Variants in NBEAL1 observed in about 807,000 individuals in gnomAD.
NBEAL1 encodes neurobeachin like 1.
Under a neutral mutation model 351.3 loss-of-function variants are expected in NBEAL1, and 273 were observed. The observed-to-expected ratio is 0.78, with a 90% CI of 0.70 to 0.86. The LOEUF (loss-of-function observed/expected upper bound fraction) is 0.86, where lower values mean the gene tolerates loss of function less well. Ranked by LOEUF, NBEAL1 falls within the 40% of genes least tolerant of loss-of-function variation. NBEAL1 has a pLI of 0.00. For synonymous variants in NBEAL1, 1,050 were observed against 1,086.4 expected (o/e 0.97, Z 0.66); for missense variants, 2,961 against 3,201.3 (o/e 0.92, Z 1.81).
chr2:203,119,173 T>C (rs2062767384), intron 18 of NBEAL1, among the ~76,000 whole-genome samples: 1 of 151,840 alleles, frequency 6.6e-6, no homozygotes, highest in Non-Finnish European at 1.5e-5. Context: ...GATTCTATTT[T>C]TTTTTTTTTT....
chr2:203,183,874 C>T (rs1346993209), intron 44 of NBEAL1, among the ~76,000 whole-genome samples: 2 of 150,896 alleles, frequency 1.3e-5, no homozygotes, highest in Admixed American at 6.6e-5. Flanking sequence ...GTCAGGAGTT[C>T]GGAGATCAAC....
chr2:203,116,308 A>C (rs1339601622), intron 18 of NBEAL1, among the ~76,000 whole-genome samples: 1 of 152,210 alleles, frequency 6.6e-6, no homozygotes, highest in Admixed American at 6.5e-5. Context: ...CAATAGTTAC[A>C]GTTGGAATTT....
intron 50 of NBEAL1, among the ~76,000 whole-genome samples, 190 bp from the exon 51 acceptor site, chr2:203,202,497 C>T (rs2065428360): frequency 6.6e-6 from 1 of 152,184 alleles, no homozygotes; most frequent in African/African-American, 2.4e-5. Context: ...AAAGAAAGCT[C>T]TCCGAGGTGA....
chr2:203,087,175 C>T (rs2061978530), intron 10 of NBEAL1, among the ~76,000 whole-genome samples: 1 of 149,936 alleles, frequency 6.7e-6, no homozygotes, highest in Non-Finnish European at 1.5e-5. Context: ...CTCACTGAAC[C>T]TCCGCCTCCT....
chr2:203,099,537 A>T (rs2062262369), intron 11 of NBEAL1, 92 bp from the exon 12 acceptor site: 1 of 744,926 alleles, frequency 1.3e-6, no homozygotes, highest in Admixed American at 2.9e-5. Flanking sequence ...TTAAGTAATT[A>T]TTTTTTCAGG....
At chr2:203,194,730 C>T (rs186572809) in intron 47 of NBEAL1, among the ~76,000 whole-genome samples, 2 of 152,244 alleles carry the variant, frequency 1.3e-5, no homozygotes, top group Admixed American at 6.5e-5. Context: ...GCTCACCCAC[C>T]GCCTACAAAA....
At chr2:203,210,064 T>A (rs2065736887) in intron 53 of NBEAL1, among the ~76,000 whole-genome samples, 1 of 152,028 alleles carries the variant, frequency 6.6e-6, no homozygotes. Flanking sequence ...GCTTTTTCAA[T>A]ATTAAGAGTT....
At chr2:203,096,602 A>G (rs1390704305) in intron 10 of NBEAL1, among the ~76,000 whole-genome samples, 1 of 152,228 alleles carries the variant, frequency 6.6e-6, no homozygotes, top group African/African-American at 2.4e-5. Context: ...GGTAATGCCC[A>G]TGTATGCTAG....
intron 5 of NBEAL1, 35 bp from the exon 6 acceptor site, chr2:203,057,291 G>A (rs1357115182): frequency 3.3e-6 from 5 of 1,519,932 alleles, no homozygotes; most frequent in Non-Finnish European, 3.6e-6. Flanking sequence ...GATAAGTAAG[G>A]CATGTCTTTA....
In NBEAL1 at chr2:203,213,617, C is replaced by A; in HGVS notation, c.8034C>A (p.Gly2678=). 1 of 1,614,002 alleles carries A rather than the reference C, an allele frequency of 6.2e-7. No homozygotes were observed. Among genetic ancestry groups the A allele is most frequent in the Non-Finnish European group, 8.5e-7 (1 of 1,179,970 alleles). The change falls in exon 55 of 56, where the codon GGC becomes GGA. Residue 2678 remains glycine, a synonymous_variant. Transcript: ENST00000683969. The part of the protein sequence containing the change: ...YSHILVGLED[G]KLIVVGVGKP... Reference sequence around the variant, plus strand: ...ATATTCTTGTAGGTTTAGAAGATGGCAAATTGATTGTAGTGGGTGTTGGCA... The same window carrying A: ...ATATTCTTGTAGGTTTAGAAGATGGAAAATTGATTGTAGTGGGTGTTGGCA...
chr2:203,135,882 C>T lies in NBEAL1; in HGVS notation c.4019C>T (p.Thr1340Ile). 3.1e-6 allele frequency: 5 copies of T among 1,614,056 alleles called. No individual in the cohort carries two copies. Among genetic ancestry groups the T allele is most frequent in the Non-Finnish European group, 3.4e-6 (4 of 1,179,978 alleles). The change falls in exon 28 of 56, where the codon ACA becomes ATA. Residue 1340 changes from threonine to isoleucine, a missense_variant. Thr to Ile is a moderately conservative substitution (Grantham distance 89). Transcript: ENST00000683969. ...EDTKKNSDEK[T>I]DEEKITSFAS... Reference sequence around the variant, plus strand: ...ACCAAGAAGAACTCTGATGAAAAAACAGATGAGGAAAAAATCACCTCTTTT... The same window carrying T: ...ACCAAGAAGAACTCTGATGAAAAAATAGATGAGGAAAAAATCACCTCTTTT...
rs1026078558 is a variant in NBEAL1, at chr2:203,208,003, C to T, written c.7507-634C>T. 2.6e-5 allele frequency among the ~76,000 whole-genome samples: 4 copies of T among 152,132 alleles called. No homozygotes were observed. In the East Asian group the frequency reaches 5.8e-4, roughly 22 times the overall value. ...CCAATAAATGGAAAAATTATTCAGC[C>T]GGACATGGTGGCCAATACCTATAAT... On this transcript the variant is annotated intron_variant, in intron 51 of 55. Coordinates refer to ENST00000683969, the MANE Select transcript of NBEAL1 (RefSeq NM_001378026.1).
chr2:203,052,875 C>T (rs140773623), intron 4 of NBEAL1, among the ~76,000 whole-genome samples: 5 of 152,058 alleles, frequency 3.3e-5, no homozygotes, highest in Middle Eastern at 3.4e-3. Flanking sequence ...CATGAACCAC[C>T]GCACCTGGTC....
chr2:203,148,824 C>A (rs188817533), intron 33 of NBEAL1, among the ~76,000 whole-genome samples, 167 bp from the exon 34 acceptor site: 1 of 151,792 alleles, frequency 6.6e-6, no homozygotes, highest in Admixed American at 6.6e-5. Flanking sequence ...TATCACACTT[C>A]ATCAAAGAAA....
At chr2:203,126,969 T>C in intron 23 of NBEAL1, 43 bp downstream of exon 23, 1 of 1,323,096 alleles carries the variant, frequency 7.6e-7, no homozygotes, top group Non-Finnish European at 1.1e-6. Context: ...TATTATTTTC[T>C]GTCTGCTACT....
At chr2:203,018,609 G>A (rs1193738817) in intron 2 of NBEAL1, among the ~76,000 whole-genome samples, 1 of 152,032 alleles carries the variant, frequency 6.6e-6, no homozygotes, top group Non-Finnish European at 1.5e-5. Context: ...TCTGTAGATG[G>A]TTATGTAGAA....
intron 35 of NBEAL1, among the ~76,000 whole-genome samples, chr2:203,155,467 C>T (rs1303500071): frequency 6.6e-6 from 1 of 151,764 alleles, no homozygotes; most frequent in East Asian, 1.9e-4. Context: ...GACAGGATAT[C>T]TTTCTGTCAC....
intron 9 of NBEAL1, among the ~76,000 whole-genome samples, chr2:203,083,851 C>T (rs1405784816): frequency 6.6e-6 from 1 of 152,124 alleles, no homozygotes. Flanking sequence ...TTGTAGTAAC[C>T]TATGGTAAAG....
chr2:203,211,222 GT>G, intron 54 of NBEAL1, 116 bp downstream of exon 54: 1 of 734,422 alleles, frequency 1.4e-6, no homozygotes, highest in Non-Finnish European at 1.9e-6. Flanking sequence ...GATTATAAAA[GT>G]TTCTCTTTTA....
Sources: gnomAD v4.1 joint callset for allele counts (sites outside exome capture counted in the v4.1 genomes callset) on GRCh38, gnomAD v4.1.1 for gene constraint, MANE v1.5 for transcripts, NCBI Gene and HGNC (gene_info 2026-07-23, HGNC 2026-07-21) for gene names.